CNTN5: variants seen among roughly 807,000 people sequenced by gnomAD.
CNTN5 encodes the protein contactin-5.
CNTN5 carries 77 observed loss-of-function variants against 129.1 expected under a neutral mutation model. That is an observed-to-expected ratio of 0.60 (90% CI 0.50 to 0.72). CNTN5 has a LOEUF of 0.72. Among genes scored for constraint, CNTN5 ranks in the 30% least tolerant of loss-of-function variants. CNTN5 has a pLI of 0.00. For synonymous variants in CNTN5, 509 were observed against 465.6 expected (o/e 1.09, Z -1.20); for missense variants, 1,478 against 1,328.8 (o/e 1.11, Z -1.75).
At chr11:99,550,087 C>T (rs1177864451) in intron 2 of CNTN5, among the ~76,000 whole-genome samples, 1 of 152,074 alleles carries the variant, frequency 6.6e-6, no homozygotes, top group Non-Finnish European at 1.5e-5. Flanking sequence ...CTATGCCTCA[C>T]GGTGTTTAAC....
At chr11:99,380,354 A>G (rs1008683663) in intron 2 of CNTN5, among the ~76,000 whole-genome samples, 3 of 152,312 alleles carry the variant, frequency 2.0e-5, no homozygotes, top group Admixed American at 6.5e-5. Flanking sequence ...ATTCTCAAAG[A>G]AGTGAGCAAA....
At chr11:99,027,684 C>A (rs1863165412) in intron 1 of CNTN5, among the ~76,000 whole-genome samples, 1 of 151,548 alleles carries the variant, frequency 6.6e-6, no homozygotes, top group Non-Finnish European at 1.5e-5. Context: ...TATGATAAAA[C>A]ATAAAATTAC....
intron 1 of CNTN5, among the ~76,000 whole-genome samples, chr11:99,282,872 G>T (rs1328572678): frequency 6.6e-6 from 1 of 152,058 alleles, no homozygotes; most frequent in Non-Finnish European, 1.5e-5. Context: ...ATTATCAGGG[G>T]CCTTTCCCCA....
At position 99,500,437 on chromosome 11, in the gene CNTN5, C is replaced by T. The variant is rs1340418233; in HGVS notation, c.-70-55708C>T. On this transcript the variant is annotated intron_variant, in intron 2 of 24. Transcript: ENST00000524871. The stretch of plus-strand genomic sequence containing the variant: ...GAAAAAATATTTTTTTCTAAACTCT[C>T]GTTTCTATTTTTCAGAGTCCTTGTA... Among the ~76,000 whole-genome samples the T allele has an allele frequency of 4.6e-5, 7 of 152,182 alleles. No individual in the cohort carries two copies. In the East Asian group the frequency reaches 5.8e-4, roughly 13 times the overall value.
At chr11:99,726,253 T>G (rs1294739571) in intron 3 of CNTN5, among the ~76,000 whole-genome samples, 2 of 152,220 alleles carry the variant, frequency 1.3e-5, no homozygotes, top group Non-Finnish European at 2.9e-5. Context: ...GTTACTTGTC[T>G]GGGAGATCTG....
At chr11:99,814,721 G>A (rs752233895) in intron 3 of CNTN5, among the ~76,000 whole-genome samples, 59 of 152,072 alleles carry the variant, frequency 3.9e-4, no homozygotes, top group Non-Finnish European at 6.6e-4. Flanking sequence ...AGAGTGTTAG[G>A]ATCAGTAGAT....
At chr11:100,196,543 G>T (rs1948643619) in intron 15 of CNTN5, among the ~76,000 whole-genome samples, 1 of 151,924 alleles carries the variant, frequency 6.6e-6, no homozygotes, top group Non-Finnish European at 1.5e-5. Context: ...ATAGATGATT[G>T]CTTTGAACTC....
rs1346745613 is a variant in CNTN5, at chr11:99,578,045, T to C, written c.55+21776T>C. 2.0e-5 allele frequency among the ~76,000 whole-genome samples: 3 copies of C among 147,258 alleles called. No homozygotes were observed. The East Asian group carries it at 6.1e-4, about 30-fold the overall frequency. On this transcript the variant is annotated intron_variant, in intron 3 of 24. Transcript: ENST00000524871. Reference sequence around the variant, plus strand: ...TTCCAGTGTCCATGTGTTCTCATTGTTCAATTCCCATCTATGAGTGAGAAC... The same window carrying C: ...TTCCAGTGTCCATGTGTTCTCATTGCTCAATTCCCATCTATGAGTGAGAAC...
chr11:99,590,228 T>C (rs1949934587), intron 3 of CNTN5, among the ~76,000 whole-genome samples: 1 of 152,024 alleles, frequency 6.6e-6, no homozygotes, highest in African/African-American at 2.4e-5. Context: ...TTACACAGAG[T>C]ACAATTTCAA....
intron 3 of CNTN5, among the ~76,000 whole-genome samples, chr11:99,781,935 C>T (rs1160878432): frequency 6.6e-6 from 1 of 151,980 alleles, no homozygotes; most frequent in Non-Finnish European, 1.5e-5. Flanking sequence ...GATGCCCTCT[C>T]TCACCACTCC....
At chr11:99,620,086 A>G (rs1950892409) in intron 3 of CNTN5, among the ~76,000 whole-genome samples, 1 of 151,866 alleles carries the variant, frequency 6.6e-6, no homozygotes, top group Non-Finnish European at 1.5e-5. Flanking sequence ...ATGTTAATCT[A>G]TAATTACTTT....
At chr11:100,089,363 T>A (rs1330262393) in intron 13 of CNTN5, among the ~76,000 whole-genome samples, 1 of 152,126 alleles carries the variant, frequency 6.6e-6, no homozygotes, top group Non-Finnish European at 1.5e-5. Flanking sequence ...TGAGATATCA[T>A]CTCATGCCAG....
At chr11:100,350,923 G>A in intron 24 of CNTN5, 53 bp downstream of exon 24, 1 of 1,375,388 alleles carries the variant, frequency 7.3e-7, no homozygotes. Context: ...ATTACGAGAT[G>A]GTATGAAAGT....
chr11:99,594,365 C>A (rs1410768837), intron 3 of CNTN5, among the ~76,000 whole-genome samples: 2 of 152,148 alleles, frequency 1.3e-5, no homozygotes, highest in Non-Finnish European at 2.9e-5. Context: ...TAACACTCTG[C>A]CTGTCTGGGG....
chr11:100,087,429 C>T (rs1250933209), intron 13 of CNTN5, among the ~76,000 whole-genome samples: 1 of 151,746 alleles, frequency 6.6e-6, no homozygotes, highest in Non-Finnish European at 1.5e-5. Flanking sequence ...CCCAATTGTA[C>T]ACAGTTATTT....
At chr11:99,288,219 G>C (rs1022047897) in intron 1 of CNTN5, among the ~76,000 whole-genome samples, 2 of 151,780 alleles carry the variant, frequency 1.3e-5, no homozygotes, top group Non-Finnish European at 2.9e-5. Flanking sequence ...ATATAAGCAG[G>C]GTTTTTTTTT....
At chr11:99,906,099 C>T (rs1949497922) in intron 6 of CNTN5, among the ~76,000 whole-genome samples, 1 of 152,074 alleles carries the variant, frequency 6.6e-6, no homozygotes, top group African/African-American at 2.4e-5. Flanking sequence ...AATTTGACTT[C>T]CTCTCTGCCT....
At chr11:99,887,697 G>C (rs971664954) in intron 6 of CNTN5, among the ~76,000 whole-genome samples, 7 of 152,256 alleles carry the variant, frequency 4.6e-5, no homozygotes, top group Non-Finnish European at 1.0e-4. Flanking sequence ...AATCACTGGT[G>C]TAAGTACACG....
At chr11:99,432,495 C>CTTTTCTTTTCT (rs539746806) in intron 2 of CNTN5, among the ~76,000 whole-genome samples, 5,097 of 76,760 alleles carry the variant, frequency 0.066, 182 homozygotes, top group Non-Finnish European at 0.094. Context: ...CTTTTCTTTT[C>CTTTTCTTTTCT]TTTCTTTTCT....
Sources: gnomAD v4.1 joint callset for allele counts (sites outside exome capture counted in the v4.1 genomes callset) on GRCh38, gnomAD v4.1.1 for gene constraint, MANE v1.5 for transcripts, NCBI Gene and HGNC (gene_info 2026-07-23, HGNC 2026-07-21) for gene names.